The following AAK1 variants were observed in gnomAD, a reference collection of about 807,000 sequenced individuals.
AAK1 encodes AP2 associated kinase 1.
Under a neutral mutation model 116.0 loss-of-function variants are expected in AAK1, and 37 were observed. The observed-to-expected ratio is 0.32, with a 90% CI of 0.25 to 0.42. The LOEUF is 0.42. AAK1 is among the 10% of genes least tolerant of loss of function. The probability of loss-of-function intolerance (pLI) is 1.00; values close to 1 mark genes in which losing one functional copy is unlikely to be tolerated. For synonymous variants in AAK1, 458 were observed against 439.9 expected, an observed-to-expected ratio of 1.04 and a Z score of -0.51; for missense variants, 919 against 1,170.6, an observed-to-expected ratio of 0.79 and a Z score of 3.14.
chr2:69,601,671 T>TAA (rs60252050), intron 2 of AAK1, among the ~76,000 whole-genome samples: 24 of 145,042 alleles, frequency 1.7e-4, no homozygotes, highest in Admixed American at 1.3e-3. Context: ...GGTAGTGAGT[T>TAA]AAAAAAAAAA....
chr2:69,604,489 T>C (rs773208103), intron 2 of AAK1, among the ~76,000 whole-genome samples: 25 of 152,186 alleles, frequency 1.6e-4, no homozygotes, highest in Non-Finnish European at 8.8e-5. Context: ...TGCTCATTGC[T>C]AACTCACCCT....
At chr2:69,586,719 C>T (rs895248064) in intron 2 of AAK1, among the ~76,000 whole-genome samples, 8 of 152,168 alleles carry the variant, frequency 5.3e-5, no homozygotes, top group African/African-American at 1.4e-4. Flanking sequence ...GGGCCACTCC[C>T]GGGCTCACAT....
At chr2:69,519,263 G>C in intron 11 of AAK1, 23 bp from the exon 12 acceptor site, 1 of 1,514,942 alleles carries the variant, frequency 6.6e-7, no homozygotes, top group Non-Finnish European at 8.8e-7. Flanking sequence ...TAAAGTCCAT[G>C]TAAGGGTTCC....
intron 2 of AAK1, among the ~76,000 whole-genome samples, chr2:69,628,385 C>T (rs1304360472): frequency 6.6e-6 from 1 of 151,972 alleles, no homozygotes; most frequent in East Asian, 1.9e-4. Flanking sequence ...CAACAAAAAC[C>T]ACAGAACTTA....
rs1674468563 is a variant in AAK1 at position 69,465,856 on chromosome 2, A to T, written c.*10013T>A. The T allele has an allele frequency of 3.9e-6, 5 of 1,290,920 alleles. No homozygotes were observed. Among genetic ancestry groups the T allele is most frequent in the Non-Finnish European group, 5.1e-6 (5 of 988,878 alleles). 80.0% of individuals were successfully genotyped at this position (1,290,920 alleles called of 1,614,324 possible). On this transcript the variant is annotated 3_prime_UTR_variant, in exon 22 of 22. Coordinates refer to ENST00000409085, the MANE Select transcript of AAK1 (RefSeq NM_014911.5). ...GAATACTGAGCTTGGACAGAGGTGT[A>T]CACAGCTCTCTCACGGCCCGCGGGC...
intron 2 of AAK1, among the ~76,000 whole-genome samples, chr2:69,564,608 C>G (rs1242433063): frequency 6.6e-6 from 1 of 152,142 alleles, no homozygotes. Flanking sequence ...GGAGCTATGC[C>G]CCGCTTCACC....
intron 1 of AAK1, 86 bp from the exon 2 acceptor site, chr2:69,643,360 T>C (rs1427789657): frequency 2.6e-5 from 31 of 1,204,720 alleles, no homozygotes; most frequent in African/African-American, 3.2e-5. Flanking sequence ...GCAAAAGCCA[T>C]CATCCTGGGG....
intron 2 of AAK1, among the ~76,000 whole-genome samples, chr2:69,589,819 G>C (rs1387099556): frequency 1.3e-5 from 2 of 151,980 alleles, no homozygotes; most frequent in African/African-American, 4.8e-5. Flanking sequence ...GATCTGCCTT[G>C]AGCGTTCAGG....
At position 69,643,684 on chromosome 2, in the gene AAK1, C is replaced by CCGCGCT; in HGVS notation, c.-350_-345dup. 1 of 1,222,022 alleles carries CCGCGCT rather than the reference C, an allele frequency of 8.2e-7. No homozygotes were observed. The highest frequency in any genetic ancestry group is 1.0e-6 in the Non-Finnish European group (1 of 981,732). The allele number at this position is 1,222,022 out of a possible 1,614,324, so 75.7% of individuals were successfully genotyped here. On this transcript the variant is annotated 5_prime_UTR_variant, in exon 1 of 22. Transcript: ENST00000409085. ...GGCGGCGCTGCAGCGAGAGCCGGGGCCGCGCTCGGCTCCCGCCCGCCCGCC... is the reference window on the plus strand; with the variant it reads ...GGCGGCGCTGCAGCGAGAGCCGGGGCCGCGCTCGCGCTCGGCTCCCGCCCGCCCGCC...
chr2:69,532,825 C>T (rs1329652835), intron 5 of AAK1, among the ~76,000 whole-genome samples: 1 of 152,084 alleles, frequency 6.6e-6, no homozygotes, highest in African/African-American at 2.4e-5. Context: ...TAATGTATTG[C>T]CCTAATTTTT....
chr2:69,632,631 G>T (rs555592422), intron 2 of AAK1, among the ~76,000 whole-genome samples: 1 of 152,198 alleles, frequency 6.6e-6, no homozygotes, highest in Non-Finnish European at 1.5e-5. Context: ...AGGCGCGATG[G>T]CTCACGCCTG....
Position 69,643,007 on chromosome 2 carries a change from C to T in AAK1, c.34G>A (p.Gly12Ser), listed in dbSNP as rs767896178. The T allele has an allele frequency of 6.2e-7, 1 of 1,611,200 alleles. No individual in the cohort carries two copies. Among genetic ancestry groups the T allele is most frequent in the Non-Finnish European group, 8.5e-7 (1 of 1,178,758 alleles). ...KKFFDSRREQ[G>S]GSGLGSGSSG... ...GAGCCGGAGCCCAGGCCAGAGCCGCCCTGCTCTCGCCGGGAGTCGAAAAAC... is the reference window on the plus strand; with the variant it reads ...GAGCCGGAGCCCAGGCCAGAGCCGCTCTGCTCTCGCCGGGAGTCGAAAAAC... Residue 12 changes from glycine (G) to serine (S), a missense_variant, in exon 2 of 22, where the codon GGC becomes AGC. Transcript: ENST00000409085.
rs2104879285 is a variant in AAK1 at position 69,474,588 on chromosome 2, G to T, written c.*1281C>A. 1.0e-6 allele frequency: 1 copy of T among 984,956 alleles called. No homozygotes were observed. The highest frequency in any genetic ancestry group is 1.1e-4 in the East Asian group (1 of 8,784). The allele number at this position is 984,956 out of a possible 1,614,324, so 61.0% of individuals were successfully genotyped here. A position where few individuals can be genotyped will look rare whatever the true frequency, so the allele number is the denominator to read the frequency against. On this transcript the variant is annotated 3_prime_UTR_variant, in exon 22 of 22. Transcript: ENST00000409085. ...GAAAACCAGCTGAACATATTCCATT[G>T]GCTGCAGCCTTCAATTTAAACATCA...
At chr2:69,517,670 G>A (rs1232010761) in intron 12 of AAK1, among the ~76,000 whole-genome samples, 1 of 151,230 alleles carries the variant, frequency 6.6e-6, no homozygotes, top group Admixed American at 6.6e-5. Flanking sequence ...ACGGAAGACG[G>A]TCAGACACAT....
rs1238590157 is a variant in AAK1, at chr2:69,643,673, G to A, written c.-333C>T. 9.0e-6 allele frequency: 11 copies of A among 1,224,302 alleles called. No individual in the cohort carries two copies. Among genetic ancestry groups the A allele is most frequent in the African/African-American group, 1.6e-5 (1 of 64,016 alleles). 75.8% of individuals were successfully genotyped at this position (1,224,302 alleles called of 1,614,324 possible). ...CGCAGAGAAGAGGCGGCGCTGCAGCGAGAGCCGGGGCCGCGCTCGGCTCCC... is the reference window on the plus strand; with the variant it reads ...CGCAGAGAAGAGGCGGCGCTGCAGCAAGAGCCGGGGCCGCGCTCGGCTCCC... On this transcript the variant is annotated 5_prime_UTR_variant, in exon 1 of 22. Transcript: ENST00000409085.
chr2:69,475,194 G>A lies in AAK1; in HGVS notation c.*675C>T. The A allele has an allele frequency of 1.0e-6, 1 of 985,916 alleles. No homozygotes were observed. Among genetic ancestry groups the A allele is most frequent in the Middle Eastern group, 5.2e-4 (1 of 1,914 alleles). 61.1% of individuals were successfully genotyped at this position (985,916 alleles called of 1,614,324 possible). The stretch of plus-strand genomic sequence containing the variant: ...CGGTTCAATGGAAGCCAGAAAGCTG[G>A]ACGAATGCTGGGCAGGTTGCATGGG... On this transcript the variant is annotated 3_prime_UTR_variant, in exon 22 of 22. Coordinates refer to ENST00000409085, the MANE Select transcript of AAK1 (RefSeq NM_014911.5).
intron 17 of AAK1, among the ~76,000 whole-genome samples, chr2:69,483,731 A>AT (rs1675184381): frequency 6.6e-6 from 1 of 152,194 alleles, no homozygotes; most frequent in African/African-American, 2.4e-5. Context: ...GCTGGCAGTC[A>AT]TATTATTCTA....
chr2:69,524,433 T>C (rs1046962245), intron 10 of AAK1, among the ~76,000 whole-genome samples: 1 of 151,708 alleles, frequency 6.6e-6, no homozygotes, highest in Non-Finnish European at 1.5e-5. Flanking sequence ...TTTTGTTTTG[T>C]TTTGTTTTGT....
intron 3 of AAK1, among the ~76,000 whole-genome samples, chr2:69,547,494 G>T (rs973147217): frequency 6.6e-6 from 1 of 151,974 alleles, no homozygotes; most frequent in Non-Finnish European, 1.5e-5. Context: ...ACAAATGCCC[G>T]AAAGTATATG....
Sources: allele counts gnomAD v4.1 joint callset (sites outside exome capture counted in the v4.1 genomes callset), GRCh38; gene constraint gnomAD v4.1.1; transcripts MANE v1.5; gene names NCBI Gene and HGNC (gene_info 2026-07-23, HGNC 2026-07-21).